DCLK1: variants seen among roughly 807,000 people sequenced by gnomAD.
The protein encoded by DCLK1 is serine/threonine-protein kinase DCLK1.
In DCLK1, 16 loss-of-function variants were observed where a neutral mutation model predicts 86.2. The observed-to-expected ratio is 0.19, with a 90% CI of 0.13 to 0.28. DCLK1 has a LOEUF of 0.28. Ranked by LOEUF, DCLK1 falls within the 10% of genes least tolerant of loss-of-function variation. DCLK1 has a pLI of 1.00. For missense variants in DCLK1, 590 were observed against 940.2 expected, an observed-to-expected ratio of 0.63 and a Z score of 4.87; for synonymous variants, 369 against 370.5, an observed-to-expected ratio of 1.00 and a Z score of 0.05.
intron 3 of DCLK1, among the ~76,000 whole-genome samples, chr13:35,968,910 A>G (rs1318844232): frequency 2.0e-5 from 3 of 152,210 alleles, no homozygotes; most frequent in Non-Finnish European, 2.9e-5. Context: ...AACCCATGGC[A>G]TTCTCCCAAA....
chr13:36,096,056 G>A (rs1317974033), intron 3 of DCLK1, among the ~76,000 whole-genome samples: 1 of 152,118 alleles, frequency 6.6e-6, no homozygotes, highest in Non-Finnish European at 1.5e-5. Flanking sequence ...AGTTCCATTG[G>A]TTTTGAAAGG....
intron 5 of DCLK1, among the ~76,000 whole-genome samples, chr13:35,859,965 G>C (rs1464878702): frequency 6.6e-6 from 1 of 152,200 alleles, no homozygotes; most frequent in Non-Finnish European, 1.5e-5. Context: ...GTCTCAAATT[G>C]GTTCTGAAGT....
rs995507921 is a variant in DCLK1, at chr13:35,951,013, A to G, written c.724-3556T>C. Among the ~76,000 whole-genome samples the G allele has an allele frequency of 2.0e-5, 3 of 151,884 alleles. No homozygotes were observed. In the South Asian group the frequency reaches 6.2e-4, roughly 32 times the overall value. ...CTCAGCCCTACCGCCTTTCTGTTTA[A>G]TCCATCCTGTTTAATTCTGTCAGTC... On this transcript the variant is annotated intron_variant, in intron 3 of 16. Coordinates refer to ENST00000360631, the MANE Select transcript of DCLK1 (RefSeq NM_001330071.2).
chr13:36,036,866 A>G (rs945079683), intron 3 of DCLK1, among the ~76,000 whole-genome samples: 1 of 152,154 alleles, frequency 6.6e-6, no homozygotes, highest in Non-Finnish European at 1.5e-5. Flanking sequence ...ATGATCCAGC[A>G]ATTCCTCTAC....
chr13:35,872,205 T>C (rs1379956494), intron 4 of DCLK1, among the ~76,000 whole-genome samples: 2 of 152,196 alleles, frequency 1.3e-5, no homozygotes, highest in African/African-American at 4.8e-5. Context: ...ATGTTCACTG[T>C]AGATGGAAAA....
At chr13:36,058,986 A>C (rs576138228) in intron 3 of DCLK1, among the ~76,000 whole-genome samples, 1 of 152,314 alleles carries the variant, frequency 6.6e-6, no homozygotes, top group East Asian at 1.9e-4. Context: ...AAGGTAAATA[A>C]AATTGATTCT....
At chr13:35,989,909 A>T (rs1880144645) in intron 3 of DCLK1, among the ~76,000 whole-genome samples, 1 of 152,324 alleles carries the variant, frequency 6.6e-6, no homozygotes, top group Non-Finnish European at 1.5e-5. Flanking sequence ...GAAAATATTT[A>T]ATTTTAAAAA....
At chr13:36,073,298 G>A (rs964654876) in intron 3 of DCLK1, among the ~76,000 whole-genome samples, 6 of 152,054 alleles carry the variant, frequency 3.9e-5, no homozygotes, top group African/African-American at 1.4e-4. Context: ...TTATGGATTT[G>A]CCTTTTTAGA....
chr13:35,847,214 A>T, intron 6 of DCLK1: 1 of 984,516 alleles, frequency 1.0e-6, no homozygotes, highest in African/African-American at 1.7e-5. Flanking sequence ...TTTTTTTATA[A>T]ATCAGTATAT....
At chr13:35,864,898 T>C in intron 5 of DCLK1, among the ~76,000 whole-genome samples, 1 of 152,130 alleles carries the variant, frequency 6.6e-6, no homozygotes, top group East Asian at 1.9e-4. Flanking sequence ...CCAGTCCTCC[T>C]GCCTAGGCCT....
intron 3 of DCLK1, among the ~76,000 whole-genome samples, chr13:35,975,236 G>A (rs1019061797): frequency 6.6e-6 from 1 of 152,200 alleles, no homozygotes; most frequent in African/African-American, 2.4e-5. Flanking sequence ...CAGTGTGAGG[G>A]ACCAGTAGGC....
intron 3 of DCLK1, among the ~76,000 whole-genome samples, chr13:36,002,103 T>C (rs1199010029): frequency 6.6e-6 from 1 of 152,220 alleles, no homozygotes; most frequent in Non-Finnish European, 1.5e-5. Flanking sequence ...TAGCCAATTT[T>C]TATCCTGGGT....
intron 3 of DCLK1, among the ~76,000 whole-genome samples, chr13:36,096,004 T>C (rs1274195270): frequency 6.6e-6 from 1 of 152,196 alleles, no homozygotes; most frequent in Non-Finnish European, 1.5e-5. Context: ...ATAAGACCTA[T>C]ATAATAAAGC....
At chr13:35,849,842 C>T (rs2153109744) in intron 6 of DCLK1, 4 of 982,548 alleles carry the variant, frequency 4.1e-6, no homozygotes, top group South Asian at 4.7e-5. Context: ...AAAGTCCAGA[C>T]ACAATTTTTT....
intron 3 of DCLK1, among the ~76,000 whole-genome samples, chr13:36,045,751 G>A (rs186416605): frequency 2.0e-5 from 3 of 152,058 alleles, no homozygotes; most frequent in Admixed American, 6.6e-5. Context: ...ACATTAGGAT[G>A]CTGAGGCAGG....
At chr13:36,096,173 T>C (rs967650132) in intron 3 of DCLK1, among the ~76,000 whole-genome samples, 2 of 152,196 alleles carry the variant, frequency 1.3e-5, no homozygotes, top group Non-Finnish European at 2.9e-5. Context: ...GAGAAAAATC[T>C]GGGAAGCAAT....
intron 4 of DCLK1, among the ~76,000 whole-genome samples, chr13:35,936,962 C>CTT (rs140269668): frequency 1.1e-3 from 75 of 65,732 alleles, no homozygotes; most frequent in African/African-American, 1.3e-3. Flanking sequence ...GAAAAGTTAG[C>CTT]TTTTTTTTTT....
At chr13:35,837,347 G>A (rs1185002412) in intron 7 of DCLK1, among the ~76,000 whole-genome samples, 2 of 152,134 alleles carry the variant, frequency 1.3e-5, no homozygotes, top group African/African-American at 4.8e-5. Context: ...CATTGGTACA[G>A]CCTCTTCACC....
At chr13:36,119,695 T>G (rs905064985) in intron 2 of DCLK1, among the ~76,000 whole-genome samples, 1 of 152,156 alleles carries the variant, frequency 6.6e-6, no homozygotes, top group Non-Finnish European at 1.5e-5. Flanking sequence ...GATAACTGAC[T>G]GGTATTCTTC....
Sources: gnomAD v4.1 joint callset for allele counts (sites outside exome capture counted in the v4.1 genomes callset) on GRCh38, gnomAD v4.1.1 for gene constraint, MANE v1.5 for transcripts, NCBI Gene and HGNC (gene_info 2026-07-23, HGNC 2026-07-21) for gene names.